Variants in LRP1B observed in about 807,000 individuals in gnomAD.
The protein encoded by LRP1B is low-density lipoprotein receptor-related protein 1B.
Under a neutral mutation model 556.6 loss-of-function variants are expected in LRP1B, and 217 were observed. The observed-to-expected ratio is 0.39, with a 90% confidence interval of 0.35 to 0.44. The LOEUF is 0.44. LRP1B is among the 20% of genes least tolerant of loss of function. The probability of loss-of-function intolerance (pLI) is 1.00; values close to 1 mark genes in which losing one functional copy is unlikely to be tolerated. For synonymous variants in LRP1B, 2,047 were observed against 1,865.8 expected (o/e 1.10, Z -2.50); for missense variants, 5,053 against 5,620.8 (o/e 0.90, Z 3.23).
At chr2:141,493,721 G>A (rs542100527) in intron 2 of LRP1B, among the ~76,000 whole-genome samples, 11 of 152,256 alleles carry the variant, frequency 7.2e-5, no homozygotes, top group South Asian at 2.1e-4. Flanking sequence ...GGTAGCAGCC[G>A]TTTAAAATCA....
intron 87 of LRP1B, among the ~76,000 whole-genome samples, chr2:140,243,145 T>C (rs1342893464): frequency 6.6e-6 from 1 of 151,052 alleles, no homozygotes; most frequent in African/African-American, 2.4e-5. Flanking sequence ...CCCTGTGGAA[T>C]ATAGATGACA....
At chr2:140,895,674 C>T (rs529815952) in intron 23 of LRP1B, among the ~76,000 whole-genome samples, 1 of 152,126 alleles carries the variant, frequency 6.6e-6, no homozygotes, top group African/African-American at 2.4e-5. Flanking sequence ...GGTCACACAA[C>T]GAACTGAAGA....
chr2:141,580,649 T>A (rs1417468399), intron 2 of LRP1B, among the ~76,000 whole-genome samples: 2 of 152,232 alleles, frequency 1.3e-5, no homozygotes, highest in Non-Finnish European at 2.9e-5. Flanking sequence ...TGAAGAGCAG[T>A]AGGCATACTA....
At chr2:140,795,438 A>C (rs1385703878) in intron 32 of LRP1B, among the ~76,000 whole-genome samples, 1 of 152,134 alleles carries the variant, frequency 6.6e-6, no homozygotes, top group Non-Finnish European at 1.5e-5. Flanking sequence ...TTTATCCTAG[A>C]CTACTCAGAA....
chr2:141,315,427 T>C (rs530970155), intron 3 of LRP1B, among the ~76,000 whole-genome samples: 42 of 151,524 alleles, frequency 2.8e-4, no homozygotes, highest in Non-Finnish European at 5.0e-4. Context: ...GCCTGGCTAA[T>C]TTTTTGTATT....
intron 1 of LRP1B, among the ~76,000 whole-genome samples, chr2:141,902,654 G>A (rs1270158698): frequency 1.3e-5 from 2 of 152,002 alleles, no homozygotes; most frequent in Non-Finnish European, 2.9e-5. Context: ...CTTGAAGGAA[G>A]CTAGAATGAT....
intron 1 of LRP1B, among the ~76,000 whole-genome samples, chr2:141,855,653 TGTTA>T (rs1433114157): frequency 1.3e-5 from 2 of 152,228 alleles, no homozygotes; most frequent in East Asian, 1.9e-4. Flanking sequence ...TGGTAGAGAC[TGTTA>T]GAGGTTTAGG....
At chr2:141,766,116 T>G (rs190297699) in intron 2 of LRP1B, among the ~76,000 whole-genome samples, 1 of 152,322 alleles carries the variant, frequency 6.6e-6, no homozygotes, top group East Asian at 1.9e-4. Flanking sequence ...GGTAATTAGC[T>G]GGAGCTGTTT....
chr2:141,448,704 G>A (rs12475986), intron 3 of LRP1B, among the ~76,000 whole-genome samples: 4 of 151,982 alleles, frequency 2.6e-5, no homozygotes, highest in African/African-American at 9.7e-5. Flanking sequence ...ACCCTGCTTC[G>A]GCTCGCCCTC....
At chr2:141,836,633 T>A (rs2105753589) in intron 1 of LRP1B, among the ~76,000 whole-genome samples, 1 of 152,110 alleles carries the variant, frequency 6.6e-6, no homozygotes, top group East Asian at 1.9e-4. Context: ...GTAACACATA[T>A]ATCAATTAAT....
At chr2:140,961,739 G>A (rs1314151682) in intron 18 of LRP1B, among the ~76,000 whole-genome samples, 1 of 151,934 alleles carries the variant, frequency 6.6e-6, no homozygotes, top group Admixed American at 6.6e-5. Flanking sequence ...AAGCTGTGTA[G>A]TACATTTCTT....
intron 2 of LRP1B, among the ~76,000 whole-genome samples, chr2:141,639,302 GTGTATATATA>G (rs1322883958): frequency 5.8e-3 from 192 of 32,978 alleles, no homozygotes; most frequent in Middle Eastern, 0.029. Flanking sequence ...CGCATCATGT[GTGTATATATA>G]TATATATATA....
At chr2:141,385,494 A>G (rs1689798574) in intron 3 of LRP1B, among the ~76,000 whole-genome samples, 1 of 152,184 alleles carries the variant, frequency 6.6e-6, no homozygotes, top group South Asian at 2.1e-4. Context: ...AAAAGTGCCT[A>G]TAGACAACAT....
chr2:140,443,795 T>C (rs1686533004), intron 65 of LRP1B, among the ~76,000 whole-genome samples: 1 of 152,222 alleles, frequency 6.6e-6, no homozygotes, highest in Non-Finnish European at 1.5e-5. Context: ...ATTTTACTAT[T>C]ATTCTTTCAA....
rs114836401 is a variant in LRP1B at position 140,746,751 on chromosome 2, T to C, written c.5758+22462A>G. On this transcript the variant is annotated intron_variant, in intron 35 of 90. Coordinates refer to ENST00000389484, the MANE Select transcript of LRP1B (RefSeq NM_018557.3). The stretch of plus-strand genomic sequence containing the variant: ...TATTTGTTAAAGGCTTTTAGTCAGA[T>C]TTTTGCCAGCAGCTGGCAAAATGAA... Among the ~76,000 whole-genome samples, 168 of 152,174 alleles carry C rather than the reference T, an allele frequency of 1.1e-3. 1 individual carries two copies. The highest frequency in any genetic ancestry group is 3.9e-3 in the African/African-American group (160 of 41,530).
chr2:140,303,315 T>G (rs888348603), intron 83 of LRP1B, among the ~76,000 whole-genome samples: 3 of 152,040 alleles, frequency 2.0e-5, no homozygotes, highest in African/African-American at 4.8e-5. Flanking sequence ...TGGCACAGTC[T>G]TGGCTCACTG....
chr2:141,990,568 T>C (rs908061152), intron 1 of LRP1B, among the ~76,000 whole-genome samples: 12 of 152,050 alleles, frequency 7.9e-5, no homozygotes, highest in African/African-American at 2.7e-4. Flanking sequence ...CCCACCAAGC[T>C]AAACTTTACT....
intron 1 of LRP1B, among the ~76,000 whole-genome samples, chr2:141,896,986 AG>A (rs1365308776): frequency 6.6e-6 from 1 of 152,172 alleles, no homozygotes; most frequent in Non-Finnish European, 1.5e-5. Flanking sequence ...ACCACATGTT[AG>A]GGTACGGCTT....
intron 1 of LRP1B, among the ~76,000 whole-genome samples, chr2:141,947,595 T>C (rs1372838343): frequency 2.0e-5 from 3 of 152,024 alleles, no homozygotes; most frequent in Non-Finnish European, 4.4e-5. Flanking sequence ...GTGAGATCAC[T>C]AGGGCGTGAT....
Sources: gnomAD v4.1 joint callset for allele counts (sites outside exome capture counted in the v4.1 genomes callset) on GRCh38, gnomAD v4.1.1 for gene constraint, MANE v1.5 for transcripts, NCBI Gene and HGNC (gene_info 2026-07-23, HGNC 2026-07-21) for gene names.